BANF2: variants seen among roughly 807,000 people sequenced by gnomAD.
BANF2 encodes BANF family member 2.
BANF2 carries 4 observed loss-of-function variants against 8.0 expected under a neutral mutation model. The ratio of observed to expected loss-of-function variants is 0.50; its 90% CI spans 0.25 to 1.14. BANF2 has a LOEUF of 1.14. Among genes scored for constraint, BANF2 ranks in the 50% most tolerant of loss-of-function variants. The probability of loss-of-function intolerance (pLI) is 0.16; values close to 1 mark genes in which losing one functional copy is unlikely to be tolerated. For missense variants in BANF2, 96 were observed against 107.5 expected (o/e 0.89, Z 0.47); for synonymous variants, 50 against 40.6 (o/e 1.23, Z -0.88).
intron 1 of BANF2, among the ~76,000 whole-genome samples, chr20:17,711,296 A>G (rs1600217315): frequency 1.3e-5 from 2 of 152,316 alleles, no homozygotes; most frequent in Admixed American, 1.3e-4. Flanking sequence ...CCCTCATGAG[A>G]GTCACTTTTG....
chr20:17,696,927 A>G (rs1042765097), upstream of BANF2, among the ~76,000 whole-genome samples: 1 of 152,102 alleles, frequency 6.6e-6, no homozygotes, highest in Non-Finnish European at 1.5e-5. Context: ...GTAGTGTGTT[A>G]GCAGGATCTC....
At chr20:17,735,528 G>A in intron 3 of BANF2, 137 bp from the exon 4 acceptor site, 1 of 1,032,322 alleles carries the variant, frequency 9.7e-7, no homozygotes, top group Non-Finnish European at 1.4e-6. Context: ...TTCAAGGACT[G>A]ACAGGCTCCC....
At chr20:17,700,560 C>T (rs925053884) in intron 1 of BANF2, among the ~76,000 whole-genome samples, 1 of 152,202 alleles carries the variant, frequency 6.6e-6, no homozygotes, top group African/African-American at 2.4e-5. Flanking sequence ...TTTAAATCCA[C>T]CTCCTGGTGA....
rs141822296 is a variant in BANF2, at chr20:17,694,175, G to C, written c.18+469G>C. Among the ~76,000 whole-genome samples, 261 of 152,350 alleles carry C rather than the reference G, an allele frequency of 1.7e-3. 4 individuals carry two copies. The highest frequency in any genetic ancestry group is 6.0e-3 in the African/African-American group (248 of 41,584). On this transcript the variant is annotated intron_variant, in intron 1 of 2. Coordinates refer to the BANF2 transcript ENST00000545418. ...CAGCAGTGAACAAAACCGATGCAAA[G>C]CCTCTCCACAAGGTGGTATGGGATG...
chr20:17,697,823 T>C (rs949879783), upstream of BANF2, among the ~76,000 whole-genome samples: 3 of 151,822 alleles, frequency 2.0e-5, no homozygotes, highest in African/African-American at 7.3e-5. Context: ...TGGTGGGCGG[T>C]GTTTGTGTCC....
At chr20:17,700,635 G>A (rs544037258) in intron 1 of BANF2, among the ~76,000 whole-genome samples, 36 of 152,266 alleles carry the variant, frequency 2.4e-4, no homozygotes, top group African/African-American at 8.2e-4. Context: ...GGATCGTGAC[G>A]GGAAATAAGG....
At chr20:17,699,965 T>TA, upstream of BANF2, 1 of 985,204 alleles carries the variant, frequency 1.0e-6, no homozygotes, top group Middle Eastern at 5.2e-4. Flanking sequence ...CCCATGGGCC[T>TA]AAGACATAAG....
At chr20:17,729,474 C>T (rs1014106062) in intron 3 of BANF2, among the ~76,000 whole-genome samples, 2 of 152,184 alleles carry the variant, frequency 1.3e-5, no homozygotes, top group African/African-American at 4.8e-5. Flanking sequence ...CGGTGGCTCA[C>T]GCCTGTAATC....
rs143154199 is a variant in BANF2, at chr20:17,717,322, G to T, written c.-166-5394G>T. Among the ~76,000 whole-genome samples, 629 of 152,224 alleles carry T rather than the reference G, an allele frequency of 4.1e-3. 2 individuals are homozygous for T. The highest frequency in any genetic ancestry group is 6.3e-3 in the Non-Finnish European group (427 of 68,018). ...AAGACTGGAGTGTTCTCAGGGCATAGGGGTGGGTGCTCTGTTTTCCTATAA... is the reference window on the plus strand; with the variant it reads ...AAGACTGGAGTGTTCTCAGGGCATATGGGTGGGTGCTCTGTTTTCCTATAA... On this transcript the variant is annotated intron_variant, in intron 1 of 3. Coordinates refer to ENST00000246090, the MANE Select transcript of BANF2 (RefSeq NM_178477.5).
chr20:17,714,957 G>A (rs1273581676), intron 1 of BANF2, among the ~76,000 whole-genome samples: 1 of 152,194 alleles, frequency 6.6e-6, no homozygotes, highest in Non-Finnish European at 1.5e-5. Context: ...TTGTGGACCT[G>A]TATGAATTTT....
chr20:17,711,569 G>T (rs1349868526), intron 1 of BANF2, among the ~76,000 whole-genome samples: 1 of 152,206 alleles, frequency 6.6e-6, no homozygotes, highest in Non-Finnish European at 1.5e-5. Flanking sequence ...GGGGCACTCA[G>T]CTTCTACCTG....
intron 3 of BANF2, among the ~76,000 whole-genome samples, chr20:17,734,910 A>C (rs1039052052): frequency 6.6e-6 from 1 of 152,140 alleles, no homozygotes; most frequent in Non-Finnish European, 1.5e-5. Flanking sequence ...AACATGGCAA[A>C]ACCCCGTCTC....
intron 1 of BANF2, among the ~76,000 whole-genome samples, chr20:17,708,688 C>T (rs1200695143): frequency 6.6e-6 from 1 of 152,160 alleles, no homozygotes; most frequent in Non-Finnish European, 1.5e-5. Flanking sequence ...CTGGCTTTTT[C>T]ATTTGCAACC....
intron 1 of BANF2, among the ~76,000 whole-genome samples, chr20:17,701,695 G>A (rs192637157): frequency 6.6e-6 from 1 of 152,278 alleles, no homozygotes; most frequent in Non-Finnish European, 1.5e-5. Flanking sequence ...CACGCCTTAA[G>A]GACGGCTGCA....
At chr20:17,714,764 C>T (rs2037627338) in intron 1 of BANF2, among the ~76,000 whole-genome samples, 1 of 152,024 alleles carries the variant, frequency 6.6e-6, no homozygotes, top group South Asian at 2.1e-4. Flanking sequence ...ACCCTGTAAA[C>T]CCATTAATAT....
chr20:17,725,156 T>C lies in BANF2; in HGVS notation c.126+5T>C. The C allele has an allele frequency of 6.2e-7, 1 of 1,610,278 alleles. No homozygotes were observed. Among genetic ancestry groups the C allele is most frequent in the African/African-American group, 1.3e-5 (1 of 74,938 alleles). ...GTCACCAAAGGTATCAATAAGGTAA[T>C]TCATATTTTCTTACTTCTCTGACTT... On this transcript the variant is annotated splice_donor_5th_base_variant and intron_variant, in intron 3 of 3. Transcript: ENST00000246090.
rs12625179 is a variant in BANF2 at position 17,735,844 on chromosome 20, C to A, written c.*33C>A. 3.1e-6 allele frequency: 5 copies of A among 1,594,868 alleles called. No homozygotes were observed. The East Asian group carries it at 1.1e-4, about 36-fold the overall frequency. On this transcript the variant is annotated 3_prime_UTR_variant, in exon 4 of 4. Transcript: ENST00000246090. Reference sequence around the variant, plus strand: ...CCTCATTGCTGCCCCCCACCACCCTCTGGGGAAAATGACGCCTTCTCCACC... The same window carrying A: ...CCTCATTGCTGCCCCCCACCACCCTATGGGGAAAATGACGCCTTCTCCACC...
chr20:17,703,340 C>T (rs67718146), intron 1 of BANF2, among the ~76,000 whole-genome samples: 25,229 of 152,248 alleles, frequency 0.17, 2,653 homozygotes, highest in East Asian at 0.4. Flanking sequence ...TCTGCCCTCT[C>T]CCACTCCATC....
chr20:17,726,762 C>T (rs1451161385), intron 3 of BANF2, among the ~76,000 whole-genome samples: 1 of 152,152 alleles, frequency 6.6e-6, no homozygotes, highest in African/African-American at 2.4e-5. Context: ...TAAATGTGTC[C>T]ATAATTGTGG....
Sources: allele counts gnomAD v4.1 joint callset (sites outside exome capture counted in the v4.1 genomes callset), GRCh38; gene constraint gnomAD v4.1.1; transcripts MANE v1.5; gene names NCBI Gene and HGNC (gene_info 2026-07-23, HGNC 2026-07-21).